Variants in MCF2L2 observed in about 807,000 individuals in gnomAD.
MCF2L2 encodes probable guanine nucleotide exchange factor MCF2L2.
MCF2L2 carries 102 observed loss-of-function variants against 150.2 expected under a neutral mutation model. The ratio of observed to expected loss-of-function variants is 0.68; its 90% CI spans 0.58 to 0.80. The LOEUF is 0.80. Ranked by LOEUF, MCF2L2 falls within the 30% of genes least tolerant of loss-of-function variation. MCF2L2 has a pLI of 0.00. For synonymous variants in MCF2L2, 465 were observed against 491.3 expected (o/e 0.95, Z 0.71); for missense variants, 1,256 against 1,372.8 (o/e 0.91, Z 1.34).
intron 12 of MCF2L2, among the ~76,000 whole-genome samples, chr3:183,295,991 T>C (rs576462535): frequency 6.6e-6 from 1 of 152,222 alleles, no homozygotes; most frequent in South Asian, 2.1e-4. Flanking sequence ...TAGAATACAA[T>C]GTGGCTTGTG....
chr3:183,231,116 T>A, intron 15 of MCF2L2, 99 bp from the exon 16 acceptor site: 1 of 893,472 alleles, frequency 1.1e-6, no homozygotes, highest in Non-Finnish European at 1.8e-6. Context: ...TCAATACAGT[T>A]CCCTTTTAGT....
rs1363748919 is a variant in MCF2L2 at position 183,338,862 on chromosome 3, G to A, written c.424C>T (p.Gln142Ter). ...ATGCCAATGTCAGTGAATGTCCTCT[G>A]GATAAAGCGAGATGGACGAAGGATG... ...IFILRPSRFI[Q>*]RTFTDIGIKY... Residue 142 changes from glutamine to a stop codon, truncating the protein, a stop_gained, in exon 5 of 30, where the codon CAG becomes TAG. Transcript: ENST00000328913. LOFTEE classifies it high-confidence loss of function. 1 of 1,607,990 alleles carries A rather than the reference G, an allele frequency of 6.2e-7. No homozygotes were observed. The highest frequency in any genetic ancestry group is 1.3e-5 in the African/African-American group (1 of 74,838).
intron 1 of MCF2L2, among the ~76,000 whole-genome samples, chr3:183,425,863 G>A (rs990574957): frequency 2.6e-5 from 4 of 152,070 alleles, no homozygotes; most frequent in African/African-American, 9.7e-5. Flanking sequence ...GCTGAGGTAG[G>A]AGAATCGCTT....
At chr3:183,424,844 G>C (rs1361633395) in intron 1 of MCF2L2, among the ~76,000 whole-genome samples, 1 of 152,136 alleles carries the variant, frequency 6.6e-6, no homozygotes, top group Non-Finnish European at 1.5e-5. Flanking sequence ...ATACTTAGAG[G>C]TGAGAAAAGG....
chr3:183,398,532 T>C (rs1391006680), intron 1 of MCF2L2, among the ~76,000 whole-genome samples: 1 of 151,048 alleles, frequency 6.6e-6, no homozygotes, highest in East Asian at 1.9e-4. Flanking sequence ...ATATTTATAA[T>C]CATATGTTAT....
At position 183,233,221 on chromosome 3, in the gene MCF2L2, G is replaced by A. The variant is rs139093213; in HGVS notation, c.1863-2204C>T. Reference sequence around the variant, plus strand: ...CAAAAAATTAGATGGGTGTGGTAGCGCATGCTTGTAATCCCAGCTACTTGG... The same window carrying A: ...CAAAAAATTAGATGGGTGTGGTAGCACATGCTTGTAATCCCAGCTACTTGG... On this transcript the variant is annotated intron_variant, in intron 15 of 29. Transcript: ENST00000328913. Among the ~76,000 whole-genome samples, 1,068 of 151,896 alleles carry A rather than the reference G, an allele frequency of 7.0e-3. 7 individuals are homozygous for A. Among genetic ancestry groups the A allele is most frequent in the African/African-American group, 0.024 (1,006 of 41,372 alleles).
At chr3:183,311,809 G>A (rs1429306303) in intron 7 of MCF2L2, 37 bp from the exon 8 acceptor site, 1 of 1,587,950 alleles carries the variant, frequency 6.3e-7, no homozygotes, top group Admixed American at 1.8e-5. Context: ...GAACGAATTA[G>A]AAAAAACAAA....
chr3:183,320,723 C>A (rs1729776316), intron 6 of MCF2L2, among the ~76,000 whole-genome samples: 1 of 152,214 alleles, frequency 6.6e-6, no homozygotes, highest in South Asian at 2.1e-4. Context: ...CATGTATTCA[C>A]TGGAGTAGCA....
At chr3:183,351,835 T>C (rs946917329) in intron 3 of MCF2L2, among the ~76,000 whole-genome samples, 1 of 152,216 alleles carries the variant, frequency 6.6e-6, no homozygotes, top group Non-Finnish European at 1.5e-5. Context: ...CTTTCTAGTC[T>C]TGTGGCATTC....
chr3:183,283,986 GA>G lies in MCF2L2; in HGVS notation c.1776+5133del, dbSNP rs1433454491. Among the ~76,000 whole-genome samples, 1 of 152,142 alleles carries G rather than the reference GA, an allele frequency of 6.6e-6. No homozygotes were observed. Among genetic ancestry groups the G allele is most frequent in the African/African-American group, 2.4e-5 (1 of 41,422 alleles). Reference sequence around the variant, plus strand: ...ATTAGAAATATGTTGTTTCCCCCATGAAAGTTTCAAGTTTCCTGAGTTTAGG... The same window carrying G: ...ATTAGAAATATGTTGTTTCCCCCATGAAGTTTCAAGTTTCCTGAGTTTAGG... On this transcript the variant is annotated intron_variant, in intron 14 of 29. Transcript: ENST00000328913. The surrounding 1 kb of genome is among the most constrained non-coding windows in gnomAD (Gnocchi z 4.2).
intron 15 of MCF2L2, chr3:183,271,095 A>G (rs1346252538): frequency 1.6e-6 from 1 of 612,566 alleles, no homozygotes; most frequent in Non-Finnish European, 2.7e-6. Context: ...AAGCTGTTTA[A>G]TATCACTTAT....
At chr3:183,242,754 C>T (rs1427512170) in intron 15 of MCF2L2, among the ~76,000 whole-genome samples, 1 of 152,154 alleles carries the variant, frequency 6.6e-6, no homozygotes, top group Non-Finnish European at 1.5e-5. Context: ...AGAAGAGGGA[C>T]ACCATCCTCC....
chr3:183,296,915 C>G (rs943796764), intron 12 of MCF2L2, 61 bp downstream of exon 12: 5 of 1,532,954 alleles, frequency 3.3e-6, no homozygotes, highest in Admixed American at 3.6e-5. Context: ...GAAGAAGGTA[C>G]AGTCCCTCCC....
At chr3:183,195,111 G>T in intron 26 of MCF2L2, 111 bp downstream of exon 26, 2 of 937,476 alleles carry the variant, frequency 2.1e-6, no homozygotes, top group Non-Finnish European at 3.2e-6. Flanking sequence ...GAAATCCCTT[G>T]TAATAAGCCA....
intron 3 of MCF2L2, 123 bp downstream of exon 3, chr3:183,379,174 G>A: frequency 1.6e-6 from 1 of 612,650 alleles, no homozygotes; most frequent in Non-Finnish European, 2.7e-6. Flanking sequence ...AAGCCAGCTG[G>A]GTTATTATGC....
At chr3:183,205,846 G>T in intron 25 of MCF2L2, 30 bp downstream of exon 25, 3 of 1,554,792 alleles carry the variant, frequency 1.9e-6, no homozygotes, top group South Asian at 2.2e-5. Context: ...AGTATAACTC[G>T]ACAGACGAAA....
chr3:183,302,798 A>T (rs1015309801), intron 10 of MCF2L2, among the ~76,000 whole-genome samples: 3 of 148,246 alleles, frequency 2.0e-5, no homozygotes, highest in Non-Finnish European at 3.0e-5. Flanking sequence ...GTCATTCTCT[A>T]CAACCTATTC....
intron 15 of MCF2L2, among the ~76,000 whole-genome samples, chr3:183,263,606 A>G (rs1725819827): frequency 6.6e-6 from 1 of 152,010 alleles, no homozygotes; most frequent in South Asian, 2.1e-4. Context: ...GCTTATCCAC[A>G]TTCATGAAAT....
At position 183,227,661 on chromosome 3, in the gene MCF2L2, T is replaced by A. The variant is rs1213102184; in HGVS notation, c.2115+636A>T. 1.3e-5 allele frequency: 2 copies of A among 152,214 alleles called. No homozygotes were observed. Among genetic ancestry groups the A allele is most frequent in the Non-Finnish European group, 2.9e-5 (2 of 68,040 alleles). 9.4% of individuals were successfully genotyped at this position (152,214 alleles called of 1,614,324 possible). A position where few individuals can be genotyped will look rare whatever the true frequency, so the allele number is the denominator to read the frequency against. On this transcript the variant is annotated intron_variant, in intron 18 of 29. Transcript: ENST00000328913. The surrounding 1 kb of genome is among the most constrained non-coding windows in gnomAD (Gnocchi z 4.0). The stretch of plus-strand genomic sequence containing the variant: ...CTTTGGGGACCATGGATGGCCAGCC[T>A]TCCATTTCATGGGGCTTTGCAGGAA...
Sources: allele counts gnomAD v4.1 joint callset (sites outside exome capture counted in the v4.1 genomes callset), GRCh38; gene constraint gnomAD v4.1.1; non-coding constraint Gnocchi (gnomAD v3.1); transcripts MANE v1.5; gene names NCBI Gene and HGNC (gene_info 2026-07-23, HGNC 2026-07-21).